Variants in LTBP1 observed in about 807,000 individuals in gnomAD.
LTBP1 encodes the protein latent-transforming growth factor beta-binding protein 1.
In LTBP1, 129 loss-of-function variants were observed where a neutral mutation model predicts 207.6. That is an observed-to-expected ratio of 0.62 (90% CI 0.54 to 0.72). The LOEUF (loss-of-function observed/expected upper bound fraction) is 0.72, where lower values mean the gene tolerates loss of function less well. LTBP1 is among the 30% of genes least tolerant of loss of function. The probability of loss-of-function intolerance (pLI) is 0.00; values close to 1 mark genes in which losing one functional copy is unlikely to be tolerated. For missense variants in LTBP1, 2,281 were observed against 2,217.2 expected, an observed-to-expected ratio of 1.03 and a Z score of -0.58; for synonymous variants, 963 against 833.7, an observed-to-expected ratio of 1.16 and a Z score of -2.67.
chr2:33,269,527 T>A (rs1349110104), intron 15 of LTBP1, among the ~76,000 whole-genome samples: 1 of 152,172 alleles, frequency 6.6e-6, no homozygotes, highest in Admixed American at 6.5e-5. Flanking sequence ...AAGCCAAGCA[T>A]GCTAAAAAGA....
Position 33,341,727 on chromosome 2 carries a change from A to ATATATATATATATATATAT in LTBP1, c.3731-1111_3731-1110insTATATATATATATATATAT, listed in dbSNP as rs1285574448. 6.7e-5 allele frequency among the ~76,000 whole-genome samples: 6 copies of ATATATATATATATATATAT among 89,604 alleles called. No individual in the cohort carries two copies. In the East Asian group the frequency reaches 1.9e-3, roughly 28 times the overall value. The allele number at this position is 89,604 out of a possible 152,430, so 58.8% of individuals were successfully genotyped here. A position where few individuals can be genotyped will look rare whatever the true frequency, so the allele number is the denominator to read the frequency against. On this transcript the variant is annotated intron_variant, in intron 24 of 33. Coordinates refer to ENST00000404816, the MANE Select transcript of LTBP1 (RefSeq NM_206943.4). Reference sequence around the variant, plus strand: ...CTCCGTCTCACTCAAAAAAAAAAAAAAAATATATATATATATATGTATATT... The same window carrying ATATATATATATATATATAT: ...CTCCGTCTCACTCAAAAAAAAAAAAATATATATATATATATATATAAATATATATATATATATGTATATT...
At chr2:33,154,610 C>G (rs1229347804) in intron 5 of LTBP1, among the ~76,000 whole-genome samples, 1 of 152,156 alleles carries the variant, frequency 6.6e-6, no homozygotes, top group African/African-American at 2.4e-5. Flanking sequence ...GGCAGTTGAC[C>G]TTTCTACTTT....
At chr2:33,124,034 A>G (rs1291828370) in intron 4 of LTBP1, among the ~76,000 whole-genome samples, 1 of 152,246 alleles carries the variant, frequency 6.6e-6, no homozygotes, top group Admixed American at 6.5e-5. Flanking sequence ...TATATTTTAG[A>G]CTTTTAACAC....
Position 33,140,679 on chromosome 2 carries a change from T to C in LTBP1, c.1201+5719T>C, listed in dbSNP as rs544939781. ...TTTATTAATTAATTAATTTTTTTTT[T>C]TTTTTGAGATAGAGTTTTGCTCTTG... On this transcript the variant is annotated intron_variant, in intron 5 of 33. Transcript: ENST00000404816. 9.0e-4 allele frequency among the ~76,000 whole-genome samples: 136 copies of C among 151,052 alleles called. 2 individuals carry two copies. The highest frequency in any genetic ancestry group is 3.2e-3 in the African/African-American group (133 of 41,416).
At chr2:33,350,794 T>C (rs973912758) in intron 26 of LTBP1, among the ~76,000 whole-genome samples, 1 of 149,640 alleles carries the variant, frequency 6.7e-6, no homozygotes, top group Non-Finnish European at 1.5e-5. Context: ...TGATAATTGC[T>C]CAATAAAAAC....
chr2:33,277,047 T>G lies in LTBP1; in HGVS notation c.2992+1124T>G, dbSNP rs893445018. On this transcript the variant is annotated intron_variant, in intron 18 of 33. Transcript: ENST00000404816. Reference sequence around the variant, plus strand: ...CTGGCTGTCAGCAGAGCCTAATAGATCTGGGCTCTGTTAGGTGGGGCAGGA... The same window carrying G: ...CTGGCTGTCAGCAGAGCCTAATAGAGCTGGGCTCTGTTAGGTGGGGCAGGA... Among the ~76,000 whole-genome samples the G allele has an allele frequency of 2.0e-5, 3 of 152,238 alleles. No homozygotes were observed. The East Asian group carries it at 5.8e-4, about 29-fold the overall frequency.
chr2:33,396,807 C>T (rs993534233), intron 32 of LTBP1, among the ~76,000 whole-genome samples: 1 of 152,210 alleles, frequency 6.6e-6, no homozygotes, highest in African/African-American at 2.4e-5. Context: ...CTACTGCAAA[C>T]TCACGAAGTT....
chr2:33,229,682 G>GT (rs11399148), intron 9 of LTBP1, among the ~76,000 whole-genome samples: 4,424 of 152,226 alleles, frequency 0.029, 242 homozygotes, highest in African/African-American at 0.1. Context: ...AATTGCATGA[G>GT]TTTTTTTGCA....
At chr2:33,192,146 A>C (rs1269114777) in intron 7 of LTBP1, among the ~76,000 whole-genome samples, 1 of 152,204 alleles carries the variant, frequency 6.6e-6, no homozygotes, top group African/African-American at 2.4e-5. Flanking sequence ...AGATCAGAGA[A>C]GTGAAATAGC....
intron 24 of LTBP1, among the ~76,000 whole-genome samples, chr2:33,327,976 A>G (rs2094448088): frequency 1.3e-5 from 2 of 151,838 alleles, no homozygotes; most frequent in Admixed American, 1.3e-4. Flanking sequence ...CTCTACTAAA[A>G]ATACAAAAAT....
At chr2:33,018,162 T>A (rs895719509) in intron 2 of LTBP1, among the ~76,000 whole-genome samples, 1 of 152,070 alleles carries the variant, frequency 6.6e-6, no homozygotes, top group Non-Finnish European at 1.5e-5. Context: ...GTTTTTTTTT[T>A]TTAACTTTTA....
chr2:33,309,687 A>G, intron 23 of LTBP1, 131 bp downstream of exon 23: 1 of 1,080,784 alleles, frequency 9.3e-7, no homozygotes, highest in South Asian at 1.5e-5. Flanking sequence ...TTGATATTAA[A>G]ATAGCTGTCT....
At chr2:33,253,881 CTTTT>C (rs61042956) in intron 11 of LTBP1, among the ~76,000 whole-genome samples, 2,208 of 101,132 alleles carry the variant, frequency 0.022, 12 homozygotes, top group South Asian at 0.04. Context: ...ATCTGATGCA[CTTTT>C]TTTTTTTTTT....
chr2:32,991,731 G>C (rs960480664), intron 2 of LTBP1, among the ~76,000 whole-genome samples: 21 of 152,170 alleles, frequency 1.4e-4, no homozygotes, highest in Non-Finnish European at 2.6e-4. Context: ...GACCTAGGAA[G>C]TCAGTCATCT....
At chr2:33,099,582 G>A (rs1366628194) in intron 3 of LTBP1, among the ~76,000 whole-genome samples, 2 of 152,210 alleles carry the variant, frequency 1.3e-5, no homozygotes, top group Admixed American at 1.3e-4. Flanking sequence ...CATAAATGAA[G>A]AGACTGAGAC....
chr2:33,156,356 G>A (rs948188634), intron 5 of LTBP1, among the ~76,000 whole-genome samples: 23 of 152,240 alleles, frequency 1.5e-4, no homozygotes, highest in African/African-American at 3.4e-4. Flanking sequence ...CATATTCGTC[G>A]TGCTTGTGAG....
chr2:33,060,900 T>C (rs1438666233), intron 3 of LTBP1, among the ~76,000 whole-genome samples: 1 of 152,144 alleles, frequency 6.6e-6, no homozygotes, highest in Non-Finnish European at 1.5e-5. Context: ...TATTACTTTT[T>C]TTTTCTGAAA....
chr2:33,317,253 T>A (rs2094287060), intron 24 of LTBP1, among the ~76,000 whole-genome samples: 1 of 152,222 alleles, frequency 6.6e-6, no homozygotes, highest in Non-Finnish European at 1.5e-5. Flanking sequence ...ACTCATTGAG[T>A]ATACTCTTTG....
At chr2:33,340,210 A>G (rs1340971096) in intron 24 of LTBP1, among the ~76,000 whole-genome samples, 2 of 149,986 alleles carry the variant, frequency 1.3e-5, no homozygotes, top group Non-Finnish European at 3.0e-5. Context: ...GTGAGCAGAG[A>G]TCGCGCCCCT....
Sources: gnomAD v4.1 joint callset for allele counts (sites outside exome capture counted in the v4.1 genomes callset) on GRCh38, gnomAD v4.1.1 for gene constraint, MANE v1.5 for transcripts, NCBI Gene and HGNC (gene_info 2026-07-23, HGNC 2026-07-21) for gene names.